RAVER2: variants seen among roughly 807,000 people sequenced by gnomAD.
RAVER2 encodes ribonucleoprotein, PTB binding 2.
RAVER2 carries 46 observed loss-of-function variants against 78.1 expected under a neutral mutation model. The ratio of observed to expected loss-of-function variants is 0.59; its 90% CI spans 0.46 to 0.75. RAVER2 has a LOEUF of 0.75. RAVER2 is among the 30% of genes least tolerant of loss of function. RAVER2 has a pLI of 0.00. For missense variants in RAVER2, 793 were observed against 837.5 expected (o/e 0.95, Z 0.66); for synonymous variants, 311 against 313.3 (o/e 0.99, Z 0.08).
At chr1:64,824,632 T>C (rs1030438225) in intron 11 of RAVER2, among the ~76,000 whole-genome samples, 1 of 152,156 alleles carries the variant, frequency 6.6e-6, no homozygotes, top group Non-Finnish European at 1.5e-5. Context: ...GAAAGCAAGC[T>C]GTTGAAATGT....
chr1:64,803,254 G>C (rs1570569884), intron 6 of RAVER2, among the ~76,000 whole-genome samples, 193 bp downstream of exon 6: 6 of 152,232 alleles, frequency 3.9e-5, no homozygotes, highest in Admixed American at 3.9e-4. Flanking sequence ...CAAAGCAGTA[G>C]TTATGTACCA....
intron 1 of RAVER2, among the ~76,000 whole-genome samples, chr1:64,757,474 G>A (rs75647797): frequency 2.0e-5 from 3 of 152,228 alleles, no homozygotes; most frequent in Admixed American, 6.5e-5. Context: ...GAAAGGCCAT[G>A]TGAGGACATA....
chr1:64,805,140 C>T, intron 8 of RAVER2, 35 bp downstream of exon 8: 1 of 1,527,932 alleles, frequency 6.5e-7, no homozygotes, highest in Non-Finnish European at 9.1e-7. Context: ...AGTCAGTAAA[C>T]AGTCAGGTTT....
At chr1:64,796,315 C>T (rs1212626213) in intron 5 of RAVER2, among the ~76,000 whole-genome samples, 1 of 151,986 alleles carries the variant, frequency 6.6e-6, no homozygotes, top group Non-Finnish European at 1.5e-5. Flanking sequence ...AATATTCCCT[C>T]TCTTCAGTCA....
intron 2 of RAVER2, among the ~76,000 whole-genome samples, chr1:64,770,328 C>A (rs1557587584): frequency 6.6e-6 from 1 of 151,936 alleles, no homozygotes; most frequent in Non-Finnish European, 1.5e-5. Flanking sequence ...ATTCATGGGG[C>A]ATTAGAAGTA....
chr1:64,807,530 T>C, intron 9 of RAVER2, 56 bp downstream of exon 9: 1 of 1,409,008 alleles, frequency 7.1e-7, no homozygotes, highest in South Asian at 1.6e-5. Flanking sequence ...GTATATATAT[T>C]CCTTTTAAAT....
chr1:64,781,887 CCTTTTT>C (rs1019866724), intron 4 of RAVER2, among the ~76,000 whole-genome samples: 2 of 151,900 alleles, frequency 1.3e-5, no homozygotes, highest in Non-Finnish European at 2.9e-5. Context: ...TAACATGCCT[CCTTTTT>C]CTTTTTCTTT....
At chr1:64,823,278 G>A (rs191561301) in intron 11 of RAVER2, among the ~76,000 whole-genome samples, 47 of 152,218 alleles carry the variant, frequency 3.1e-4, no homozygotes, top group African/African-American at 1.1e-3. Flanking sequence ...CAAGATCTAG[G>A]TCTAATTAGA....
At chr1:64,832,226 G>A (rs1032195351) in exon 12 of RAVER2, 1 of 152,578 alleles carries the variant, frequency 6.6e-6, no homozygotes, top group Admixed American at 6.5e-5. Context: ...CTTTCTGATG[G>A]AGTCTTAAGG....
At chr1:64,748,784 T>G (rs1390785404) in intron 1 of RAVER2, among the ~76,000 whole-genome samples, 1 of 152,352 alleles carries the variant, frequency 6.6e-6, no homozygotes. Context: ...TCTAAGATTC[T>G]TAGGCTTTTT....
chr1:64,823,047 G>A (rs777346514), intron 11 of RAVER2, among the ~76,000 whole-genome samples: 1 of 152,158 alleles, frequency 6.6e-6, no homozygotes, highest in South Asian at 2.1e-4. Flanking sequence ...TGGGGAGTAT[G>A]ATTAACAGGA....
chr1:64,830,780 C>T, intron 11 of RAVER2, 59 bp from the exon 12 acceptor site: 2 of 1,423,906 alleles, frequency 1.4e-6, no homozygotes, highest in Non-Finnish European at 1.9e-6. Flanking sequence ...TTATAAATAT[C>T]TTTAATGAAT....
In RAVER2 at chr1:64,755,211, A is replaced by G. The variant is rs369321324; in HGVS notation, c.249+9790A>G. Among the ~76,000 whole-genome samples the G allele has an allele frequency of 3.3e-5, 5 of 152,352 alleles. No homozygotes were observed. In the East Asian group the frequency reaches 7.7e-4, roughly 24 times the overall value. On this transcript the variant is annotated intron_variant, in intron 1 of 11. Transcript: ENST00000294428. Reference sequence around the variant, plus strand: ...TCTGTTTAATGTCTTCACAATAAGTATCCTGATTTCTTAGTAAGAAAATAA... The same window carrying G: ...TCTGTTTAATGTCTTCACAATAAGTGTCCTGATTTCTTAGTAAGAAAATAA...
At chr1:64,801,338 A>G (rs544373696) in intron 5 of RAVER2, among the ~76,000 whole-genome samples, 4 of 151,288 alleles carry the variant, frequency 2.6e-5, no homozygotes, top group African/African-American at 7.2e-5. Context: ...ACCTCAAACA[A>G]TCCGCCCACC....
chr1:64,782,478 T>C (rs1487737542), intron 4 of RAVER2, among the ~76,000 whole-genome samples: 1 of 152,228 alleles, frequency 6.6e-6, no homozygotes, highest in Non-Finnish European at 1.5e-5. Flanking sequence ...TGACAACGAA[T>C]GGATGAGATA....
intron 5 of RAVER2, among the ~76,000 whole-genome samples, chr1:64,794,512 A>G (rs1653041383): frequency 6.6e-6 from 1 of 151,242 alleles, no homozygotes; most frequent in Non-Finnish European, 1.5e-5. Context: ...CCAGTACTTG[A>G]TCTGTTGGTC....
intron 1 of RAVER2, among the ~76,000 whole-genome samples, chr1:64,760,150 G>C (rs1557583721): frequency 6.6e-6 from 1 of 151,102 alleles, no homozygotes; most frequent in African/African-American, 2.4e-5. Flanking sequence ...ATCTAATCCA[G>C]ACTTGAGAGG....
chr1:64,746,816 A>T (rs903067654), intron 1 of RAVER2, among the ~76,000 whole-genome samples: 1 of 152,210 alleles, frequency 6.6e-6, no homozygotes, highest in Non-Finnish European at 1.5e-5. Context: ...TGCCCATACA[A>T]ATAGAGGACT....
intron 9 of RAVER2, among the ~76,000 whole-genome samples, chr1:64,811,275 A>C (rs1653597927): frequency 6.6e-6 from 1 of 152,192 alleles, no homozygotes; most frequent in Admixed American, 6.5e-5. Flanking sequence ...GATCCACTTA[A>C]AATGCTGTAT....
Sources: allele counts gnomAD v4.1 joint callset (sites outside exome capture counted in the v4.1 genomes callset), GRCh38; gene constraint gnomAD v4.1.1; transcripts MANE v1.5; gene names NCBI Gene and HGNC (gene_info 2026-07-23, HGNC 2026-07-21).